The following DCAF8L2 variants were observed in gnomAD, a reference collection of about 807,000 sequenced individuals.
DCAF8L2 encodes the protein DDB1 and CUL4 associated factor 8 like 2.
For missense variants in DCAF8L2, 430 were observed against 490.7 expected (o/e 0.88, Z 1.17); for synonymous variants, 200 against 190.9 (o/e 1.05, Z -0.39).
At chrX:27,673,455 C>T (rs1299620765) in intron 2 of DCAF8L2, among the ~76,000 whole-genome samples, 2 of 100,767 alleles carry the variant, frequency 2.0e-5, no homozygotes, top group Admixed American at 1.1e-4. Flanking sequence ...TTACAGTGAG[C>T]CGAGATAGTG....
rs759276268 is a variant in DCAF8L2, at chrX:27,607,601, AC to A, written c.-342+17163del. The stretch of plus-strand genomic sequence containing the variant: ...GCATTTTCACTTTGAATACTAACCT[AC>A]CATGACACAGATGCAAGATTCAGCA... On this transcript the variant is annotated intron_variant, in intron 1 of 4. Coordinates refer to ENST00000451261, the MANE Select transcript of DCAF8L2 (RefSeq NM_001353450.2). Among the ~76,000 whole-genome samples, 23 of 111,710 alleles carry A rather than the reference AC, an allele frequency of 2.1e-4. No individual in the cohort carries two copies. The East Asian group carries it at 3.7e-3, about 18-fold the overall frequency.
the DCAF8L2 span, among the ~76,000 whole-genome samples, chrX:27,577,746 C>T: frequency 7.3e-3 from 814 of 111,005 alleles, 8 homozygotes; most frequent in African/African-American, 0.024. Flanking sequence ...AGCATTCCTA[C>T]ATACCAACAG....
the DCAF8L2 span, among the ~76,000 whole-genome samples, chrX:27,563,239 T>G: frequency 8.9e-6 from 1 of 111,878 alleles, no homozygotes; most frequent in Non-Finnish European, 1.9e-5. Flanking sequence ...AATATATTTA[T>G]CCATCCATCC....
At chrX:27,503,277 T>C in the DCAF8L2 span, among the ~76,000 whole-genome samples, 1 of 111,519 alleles carries the variant, frequency 9.0e-6, no homozygotes, top group Admixed American at 9.6e-5. Flanking sequence ...ACAGGATATA[T>C]GCAGGGCCAA....
chrX:27,502,524 C>G, the DCAF8L2 span, among the ~76,000 whole-genome samples: 1 of 104,226 alleles, frequency 9.6e-6, no homozygotes, highest in African/African-American at 3.5e-5. Context: ...CAACCAGTTA[C>G]TAAGTTAATA....
the DCAF8L2 span, among the ~76,000 whole-genome samples, chrX:27,498,621 A>G: frequency 7.1e-5 from 8 of 112,126 alleles, no homozygotes; most frequent in Admixed American, 6.6e-4. Context: ...GCACATTATT[A>G]TTAACTATAG....
the DCAF8L2 span, among the ~76,000 whole-genome samples, chrX:27,542,166 G>T: frequency 2.5e-4 from 28 of 111,700 alleles, no homozygotes; most frequent in South Asian, 7.6e-4. Context: ...GAATGAATGA[G>T]TGCATGTGCC....
chrX:27,536,721 C>T, the DCAF8L2 span, among the ~76,000 whole-genome samples: 2 of 110,964 alleles, frequency 1.8e-5, no homozygotes, highest in Non-Finnish European at 3.8e-5. Flanking sequence ...AATTCCAGCC[C>T]ACCATACATG....
intron 1 of DCAF8L2, among the ~76,000 whole-genome samples, chrX:27,597,104 T>G (rs1926396663): frequency 8.9e-6 from 1 of 111,982 alleles, no homozygotes; most frequent in Non-Finnish European, 1.9e-5. Flanking sequence ...TTACTGACTT[T>G]CACATATGTA....
chrX:27,587,422 C>T (rs990036543), upstream of DCAF8L2, among the ~76,000 whole-genome samples: 1 of 110,879 alleles, frequency 9.0e-6, no homozygotes, highest in Non-Finnish European at 1.9e-5. Flanking sequence ...TTAGTAGGCC[C>T]CTGGGGTGGT....
intron 4 of DCAF8L2, among the ~76,000 whole-genome samples, chrX:27,727,374 G>A (rs902919192): frequency 3.6e-5 from 4 of 110,645 alleles, no homozygotes; most frequent in Admixed American, 1.9e-4. Flanking sequence ...AATCTTTCCC[G>A]TTATCTTTTG....
intron 1 of DCAF8L2, among the ~76,000 whole-genome samples, chrX:27,603,407 A>G (rs1926738556): frequency 8.9e-6 from 1 of 111,799 alleles, no homozygotes; most frequent in Non-Finnish European, 1.9e-5. Flanking sequence ...CTATTTTAAA[A>G]GCATCATTTT....
the DCAF8L2 span, among the ~76,000 whole-genome samples, chrX:27,516,902 TTAA>T: frequency 9.0e-6 from 1 of 111,651 alleles, no homozygotes; most frequent in African/African-American, 3.3e-5. Flanking sequence ...CTTTGTTTTA[TTAA>T]TAATCTGTTT....
At chrX:27,746,603 T>C (rs1307778655) in intron 4 of DCAF8L2, among the ~76,000 whole-genome samples, 1 of 111,528 alleles carries the variant, frequency 9.0e-6, no homozygotes, top group Non-Finnish European at 1.9e-5. Flanking sequence ...CTACTCACAG[T>C]GTAAGATGCC....
chrX:27,566,774 G>A, the DCAF8L2 span, among the ~76,000 whole-genome samples: 5 of 109,629 alleles, frequency 4.6e-5, no homozygotes, highest in African/African-American at 1.7e-4. Flanking sequence ...TTTGGACTTA[G>A]GTTGTTTTTC....
the DCAF8L2 span, chrX:27,519,196 A>G: frequency 5.4e-6 from 6 of 1,106,511 alleles, no homozygotes; most frequent in Admixed American, 9.1e-5. Flanking sequence ...GGAAGAGCTA[A>G]TGGAACGTCT....
rs766353113 is a variant in DCAF8L2, at chrX:27,653,196, G to GC, written c.-220+21197dup. Among the ~76,000 whole-genome samples, 8 of 111,642 alleles carry GC rather than the reference G, an allele frequency of 7.2e-5. No individual in the cohort carries two copies. In the East Asian group the frequency reaches 2.0e-3, roughly 28 times the overall value. On this transcript the variant is annotated intron_variant, in intron 2 of 4. Transcript: ENST00000451261. ...AAAGTCATATTCTGGAGATTAATGG[G>GC]CAATATAATACCTCAGCCACAGGAT...
chrX:27,691,069 C>T (rs574563699), intron 3 of DCAF8L2, among the ~76,000 whole-genome samples: 3 of 111,523 alleles, frequency 2.7e-5, no homozygotes, highest in African/African-American at 9.7e-5. Flanking sequence ...CCTGAAACTT[C>T]TTTAGATATA....
chrX:27,491,248 T>C, the DCAF8L2 span, among the ~76,000 whole-genome samples: 363 of 112,728 alleles, frequency 3.2e-3, 1 homozygote, highest in African/African-American at 0.011. Flanking sequence ...ACAGATACTT[T>C]CCTCCATTTT....
Sources: allele counts gnomAD v4.1 joint callset (sites outside exome capture counted in the v4.1 genomes callset), GRCh38; gene constraint gnomAD v4.1.1; transcripts MANE v1.5; gene names NCBI Gene and HGNC (gene_info 2026-07-23, HGNC 2026-07-21).